Variants in ME1 observed in about 807,000 individuals in gnomAD.
ME1 encodes the protein malic enzyme 1.
Under a neutral mutation model 66.4 loss-of-function variants are expected in ME1, and 74 were observed. That is an observed-to-expected ratio of 1.11 (90% CI 0.92 to 1.35). ME1 has a LOEUF of 1.35. ME1 is among the 40% of genes most tolerant of loss of function. The probability of loss-of-function intolerance (pLI) is 0.00; values close to 1 mark genes in which losing one functional copy is unlikely to be tolerated. For synonymous variants in ME1, 251 were observed against 235.6 expected (o/e 1.07, Z -0.60); for missense variants, 750 against 694.1 (o/e 1.08, Z -0.90).
At chr6:83,360,301 A>C (rs1413114304) in intron 3 of ME1, among the ~76,000 whole-genome samples, 2 of 152,162 alleles carry the variant, frequency 1.3e-5, no homozygotes, top group Non-Finnish European at 2.9e-5. Context: ...TGCACTGGGG[A>C]AAGGGAAATG....
intron 9 of ME1, among the ~76,000 whole-genome samples, chr6:83,229,377 T>C (rs117798407): frequency 0.026 from 4,034 of 152,324 alleles, 80 homozygotes; most frequent in Admixed American, 0.055. Context: ...TTTATGTCAT[T>C]GTTAGATTTT....
intron 9 of ME1, among the ~76,000 whole-genome samples, chr6:83,235,498 T>C (rs1790382684): frequency 7.5e-6 from 1 of 132,712 alleles, no homozygotes; most frequent in South Asian, 2.3e-4. Flanking sequence ...TGAGATGGAG[T>C]CTCGCTCTGT....
intron 6 of ME1, among the ~76,000 whole-genome samples, chr6:83,265,072 A>C (rs1382552243): frequency 6.6e-6 from 1 of 152,136 alleles, no homozygotes; most frequent in Non-Finnish European, 1.5e-5. Context: ...TTACCACCTC[A>C]CCCAACCTTC....
At chr6:83,405,629 T>C (rs911403916) in intron 2 of ME1, among the ~76,000 whole-genome samples, 12 of 152,160 alleles carry the variant, frequency 7.9e-5, no homozygotes, top group African/African-American at 2.9e-4. Context: ...CAGTATGATA[T>C]TGGCTGTGGG....
intron 5 of ME1, among the ~76,000 whole-genome samples, chr6:83,317,276 T>C (rs61229517): frequency 0.027 from 4,153 of 152,340 alleles, 196 homozygotes; most frequent in African/African-American, 0.092. Context: ...TGAAGACTAC[T>C]AGATCACCTT....
chr6:83,320,851 C>T (rs994417555), intron 5 of ME1, among the ~76,000 whole-genome samples: 2 of 152,232 alleles, frequency 1.3e-5, no homozygotes, highest in Non-Finnish European at 1.5e-5. Context: ...AAAAAATTAT[C>T]GATTCCCAGG....
intron 6 of ME1, among the ~76,000 whole-genome samples, chr6:83,275,559 G>A (rs1226684485): frequency 9.7e-5 from 13 of 134,452 alleles, no homozygotes; most frequent in East Asian, 4.6e-4. Flanking sequence ...TCCGCCTCCC[G>A]GGTTCATGCC....
At chr6:83,313,274 C>T (rs1011215145) in intron 6 of ME1, among the ~76,000 whole-genome samples, 2 of 152,066 alleles carry the variant, frequency 1.3e-5, no homozygotes, top group African/African-American at 4.8e-5. Context: ...TAGTCTTTGG[C>T]ATTTTTCTCT....
chr6:83,354,971 A>G (rs766358309), intron 3 of ME1, among the ~76,000 whole-genome samples: 12 of 152,230 alleles, frequency 7.9e-5, no homozygotes, highest in Non-Finnish European at 1.5e-4. Context: ...TAGGAAGATT[A>G]CTGATGACTG....
chr6:83,330,950 T>C (rs1164062282), intron 5 of ME1, among the ~76,000 whole-genome samples: 2 of 152,174 alleles, frequency 1.3e-5, no homozygotes, highest in South Asian at 2.1e-4. Flanking sequence ...CTGGTATTCA[T>C]TCCAATACAG....
intron 3 of ME1, among the ~76,000 whole-genome samples, chr6:83,374,406 G>A (rs56293102): frequency 0.051 from 7,708 of 152,200 alleles, 631 homozygotes; most frequent in African/African-American, 0.18. Flanking sequence ...CTTCCTTTGA[G>A]AAGTGTCTGT....
intron 6 of ME1, among the ~76,000 whole-genome samples, chr6:83,314,711 G>A (rs868241122): frequency 6.6e-5 from 10 of 151,962 alleles, no homozygotes; most frequent in Admixed American, 1.3e-4. Flanking sequence ...AAACACTAAT[G>A]GTCTCAGGTG....
At position 83,379,161 on chromosome 6, in the gene ME1, C is replaced by T. The variant is rs572881446; in HGVS notation, c.362+19206G>A. Among the ~76,000 whole-genome samples, 8 of 152,144 alleles carry T rather than the reference C, an allele frequency of 5.3e-5. 1 individual carries two copies. Among genetic ancestry groups the T allele is most frequent in the Middle Eastern group, 3.4e-3 (1 of 292 alleles). On this transcript the variant is annotated intron_variant, in intron 3 of 13. Coordinates refer to ENST00000369705, the MANE Select transcript of ME1 (RefSeq NM_002395.6). ...AGAAACCATACTACCATCTCCAAGACTTTAACAGTCACATGTTAGGAATGT... is the reference window on the plus strand; with the variant it reads ...AGAAACCATACTACCATCTCCAAGATTTTAACAGTCACATGTTAGGAATGT...
At chr6:83,394,598 T>C (rs1438503890) in intron 3 of ME1, among the ~76,000 whole-genome samples, 1 of 152,222 alleles carries the variant, frequency 6.6e-6, no homozygotes, top group Non-Finnish European at 1.5e-5. Context: ...TACAGCTACA[T>C]GGAAATCCAC....
At chr6:83,349,749 ATC>A (rs1269717645) in intron 4 of ME1, among the ~76,000 whole-genome samples, 1 of 152,140 alleles carries the variant, frequency 6.6e-6, no homozygotes, top group Non-Finnish European at 1.5e-5. Context: ...TCAAATCTAA[ATC>A]TCTTTCTGAA....
intron 2 of ME1, 37 bp from the exon 3 acceptor site, chr6:83,398,553 A>G (rs776713734): frequency 1.2e-4 from 134 of 1,112,472 alleles, no homozygotes; most frequent in Non-Finnish European, 8.5e-5. Flanking sequence ...TACATCCCAT[A>G]AAGTCATGAA....
At chr6:83,306,733 T>A (rs1479348918) in intron 6 of ME1, among the ~76,000 whole-genome samples, 2 of 152,108 alleles carry the variant, frequency 1.3e-5, no homozygotes, top group African/African-American at 4.8e-5. Context: ...TCAACAGCAG[T>A]TATTTTATGC....
In ME1 at chr6:83,227,459, C is replaced by A; in HGVS notation, c.1151G>T (p.Gly384Val). The change falls in exon 11 of 14, where the codon GGT (glycine) becomes GTT (valine). Residue 384 changes from glycine to valine, a missense_variant. By Grantham distance (109) the Gly-to-Val change is moderately radical. Coordinates refer to ENST00000369705, the MANE Select transcript of ME1 (RefSeq NM_002395.6). ...TTTGAGAATTTGTTCTGAGAATGCA[C>A]CACCAATTGCAGCAACTCCTAATGA... ...TALIGVAAIGGAFSEQILKDM... is the reference protein window; with the variant it reads ...TALIGVAAIGVAFSEQILKDM... The A allele has an allele frequency of 6.3e-7, 1 of 1,599,548 alleles. No individual in the cohort carries two copies. Among genetic ancestry groups the A allele is most frequent in the Non-Finnish European group, 8.5e-7 (1 of 1,171,226 alleles).
At chr6:83,231,928 CT>C (rs566417568) in intron 9 of ME1, among the ~76,000 whole-genome samples, 43 of 152,098 alleles carry the variant, frequency 2.8e-4, no homozygotes, top group Non-Finnish European at 5.7e-4. Flanking sequence ...TTAATCTCCC[CT>C]ATCCCTTTAT....
Sources: allele counts gnomAD v4.1 joint callset (sites outside exome capture counted in the v4.1 genomes callset), GRCh38; gene constraint gnomAD v4.1.1; transcripts MANE v1.5; gene names NCBI Gene and HGNC (gene_info 2026-07-23, HGNC 2026-07-21).